Variants in HCN1 observed in about 807,000 individuals in gnomAD.
HCN1 encodes potassium/sodium hyperpolarization-activated cyclic nucleotide-gated channel 1.
Under a neutral mutation model 78.9 loss-of-function variants are expected in HCN1, and 13 were observed. The ratio of observed to expected loss-of-function variants is 0.16; its 90% confidence interval spans 0.11 to 0.26. HCN1 has a LOEUF of 0.26. Ranked by LOEUF, HCN1 falls within the 10% of genes least tolerant of loss-of-function variation. The pLI, the probability that HCN1 is intolerant of heterozygous loss-of-function variation, is 1.00. For synonymous variants in HCN1, 552 were observed against 455.5 expected (o/e 1.21, Z -2.70); for missense variants, 810 against 1,154.3 (o/e 0.70, Z 4.32).
chr5:45,688,130 G>T (rs1284420957), intron 1 of HCN1, among the ~76,000 whole-genome samples: 2 of 152,066 alleles, frequency 1.3e-5, no homozygotes, highest in Admixed American at 6.6e-5. Flanking sequence ...ATTCTCTGAT[G>T]TCTCCTCTTT....
chr5:45,373,950 A>G (rs1446945223), intron 4 of HCN1, among the ~76,000 whole-genome samples: 1 of 110,192 alleles, frequency 9.1e-6, no homozygotes, highest in Admixed American at 1.1e-4. Flanking sequence ...CGGTATATAC[A>G]TCATATATAA....
chr5:45,289,462 C>A (rs1202379673), intron 6 of HCN1, among the ~76,000 whole-genome samples: 1 of 152,020 alleles, frequency 6.6e-6, no homozygotes, highest in Non-Finnish European at 1.5e-5. Context: ...TACAATGGAG[C>A]ATTATAATAA....
intron 3 of HCN1, among the ~76,000 whole-genome samples, chr5:45,439,380 T>C (rs1740625699): frequency 6.6e-6 from 1 of 152,092 alleles, no homozygotes; most frequent in African/African-American, 2.4e-5. Context: ...AATAATATTA[T>C]TGGGGATATG....
intron 2 of HCN1, chr5:45,574,664 C>T (rs1466680940): frequency 6.6e-6 from 1 of 152,072 alleles, no homozygotes; most frequent in Non-Finnish European, 1.5e-5. Flanking sequence ...TGTTGAAGGC[C>T]AAAACAGACC....
At chr5:45,445,578 G>T (rs62369067) in intron 3 of HCN1, among the ~76,000 whole-genome samples, 2,047 of 152,316 alleles carry the variant, frequency 0.013, 19 homozygotes, top group Middle Eastern at 0.027. Flanking sequence ...TGGGCAGACT[G>T]CCTCCTCAAG....
chr5:45,281,479 G>A (rs1228828398), intron 6 of HCN1, among the ~76,000 whole-genome samples: 2 of 151,014 alleles, frequency 1.3e-5, no homozygotes, highest in Non-Finnish European at 2.9e-5. Context: ...CCAGTCTCAG[G>A]AAGTTTCTTA....
At chr5:45,637,260 CT>C (rs1235528013) in intron 2 of HCN1, among the ~76,000 whole-genome samples, 1 of 152,086 alleles carries the variant, frequency 6.6e-6, no homozygotes, top group African/African-American at 2.4e-5. Context: ...TATACAATAC[CT>C]TTCTCTTGGC....
chr5:45,410,186 G>T (rs1439239468), intron 3 of HCN1, among the ~76,000 whole-genome samples: 8 of 151,966 alleles, frequency 5.3e-5, no homozygotes, highest in Non-Finnish European at 1.2e-4. Flanking sequence ...AGCAAGAACA[G>T]TCTTTATTAT....
chr5:45,329,143 G>C (rs1471710986), intron 5 of HCN1, among the ~76,000 whole-genome samples: 1 of 151,432 alleles, frequency 6.6e-6, no homozygotes, highest in Non-Finnish European at 1.5e-5. Context: ...TTAATAGTTT[G>C]ACCATTCATA....
chr5:45,657,570 C>A (rs928897167), intron 1 of HCN1, among the ~76,000 whole-genome samples: 3 of 152,054 alleles, frequency 2.0e-5, no homozygotes, highest in Admixed American at 1.3e-4. Flanking sequence ...GTAATTTGCA[C>A]ATTTTGGCTC....
At chr5:45,517,102 G>C (rs1742528922) in intron 2 of HCN1, among the ~76,000 whole-genome samples, 1 of 151,834 alleles carries the variant, frequency 6.6e-6, no homozygotes, top group Non-Finnish European at 1.5e-5. Context: ...TATTCTGAAG[G>C]CTTTGATTTC....
At chr5:45,566,340 T>A (rs1743706293) in intron 2 of HCN1, among the ~76,000 whole-genome samples, 1 of 152,164 alleles carries the variant, frequency 6.6e-6, no homozygotes, top group Admixed American at 6.6e-5. Flanking sequence ...CTCCCACATT[T>A]GTAATCTAAA....
chr5:45,380,316 A>G (rs1364741680), intron 4 of HCN1, among the ~76,000 whole-genome samples: 1 of 152,090 alleles, frequency 6.6e-6, no homozygotes. Flanking sequence ...CTCATGACTT[A>G]ATCACTTCCC....
intron 2 of HCN1, among the ~76,000 whole-genome samples, chr5:45,477,202 A>G (rs1741536745): frequency 6.6e-6 from 1 of 152,156 alleles, no homozygotes; most frequent in African/African-American, 2.4e-5. Flanking sequence ...TTTATCAAGA[A>G]GGTCTGGGAT....
At chr5:45,398,180 T>A (rs938624250) in intron 3 of HCN1, among the ~76,000 whole-genome samples, 1 of 152,084 alleles carries the variant, frequency 6.6e-6, no homozygotes, top group African/African-American at 2.4e-5. Context: ...CATGCCAATC[T>A]GTTTCATACC....
chr5:45,427,013 T>C (rs1487241507), intron 3 of HCN1, among the ~76,000 whole-genome samples: 1 of 151,944 alleles, frequency 6.6e-6, no homozygotes, highest in Non-Finnish European at 1.5e-5. Flanking sequence ...TATTATAATA[T>C]GAATTTTAAT....
chr5:45,436,880 A>G (rs1349557368), intron 3 of HCN1, among the ~76,000 whole-genome samples: 2 of 152,232 alleles, frequency 1.3e-5, no homozygotes, highest in Admixed American at 6.5e-5. Context: ...TTTACAGATG[A>G]GCAAAAAGAG....
intron 2 of HCN1, among the ~76,000 whole-genome samples, chr5:45,611,279 T>C (rs1301337752): frequency 1.4e-5 from 2 of 143,740 alleles, no homozygotes; most frequent in Non-Finnish European, 3.1e-5. Context: ...CTTTTTTTTT[T>C]TTTTTTTTTT....
chr5:45,620,814 C>CAGT (rs1745045869), intron 2 of HCN1, among the ~76,000 whole-genome samples: 1 of 152,154 alleles, frequency 6.6e-6, no homozygotes, highest in African/African-American at 2.4e-5. Context: ...GACAAGTCTA[C>CAGT]AGTACCCTAT....
Sources: allele counts gnomAD v4.1 joint callset (sites outside exome capture counted in the v4.1 genomes callset), GRCh38; gene constraint gnomAD v4.1.1; transcripts MANE v1.5; gene names NCBI Gene and HGNC (gene_info 2026-07-23, HGNC 2026-07-21).